USH2A: variants seen among roughly 807,000 people sequenced by gnomAD.
The protein encoded by USH2A is Usher syndrome 2A (autosomal recessive, mild).
USH2A carries 443 observed loss-of-function variants against 538.9 expected under a neutral mutation model. That is an observed-to-expected ratio of 0.82 (90% CI 0.76 to 0.89). The LOEUF (loss-of-function observed/expected upper bound fraction) is 0.89, where lower values mean the gene tolerates loss of function less well. USH2A is among the 40% of genes least tolerant of loss of function. The pLI, the probability that USH2A is intolerant of heterozygous loss-of-function variation, is 0.00. For missense variants in USH2A, 6,633 were observed against 6,324.8 expected (o/e 1.05, Z -1.65); for synonymous variants, 2,413 against 2,273.5 (o/e 1.06, Z -1.75).
Position 215,786,774 on chromosome 1 carries a change from A to T in USH2A, c.10283T>A (p.Ile3428Lys). Residue 3428 changes from isoleucine to lysine, a missense_variant, in exon 52 of 72, where the codon ATA (isoleucine) becomes AAA (lysine). Physicochemically the swap from Ile to Lys is moderately radical, Grantham distance 102. Coordinates refer to ENST00000307340, the MANE Select transcript of USH2A (RefSeq NM_206933.4). The part of the protein sequence containing the change: ...FNFTSHICTV[I>K]RGSHNSTGKA... ...CCCTGTGGAATTGTGAGACCCTCTT[A>T]TCACAGTGCAAATGTGGCTGGTAAA... 1 of 1,613,974 alleles carries T rather than the reference A, an allele frequency of 6.2e-7. No individual in the cohort carries two copies. Among genetic ancestry groups the T allele is most frequent in the Non-Finnish European group, 8.5e-7 (1 of 1,179,954 alleles).
At chr1:215,709,045 T>C (rs1230452744) in intron 61 of USH2A, among the ~76,000 whole-genome samples, 2 of 152,208 alleles carry the variant, frequency 1.3e-5, no homozygotes. Context: ...TGATTCTCCT[T>C]CCTTCAAGCT....
chr1:215,837,860 A>C, intron 47 of USH2A, 131 bp downstream of exon 47: 1 of 772,844 alleles, frequency 1.3e-6, no homozygotes, highest in Non-Finnish European at 2.3e-6. Flanking sequence ...TAATATCAAA[A>C]ATTTGATTTA....
intron 32 of USH2A, among the ~76,000 whole-genome samples, chr1:216,008,211 C>T (rs545420655): frequency 1.8e-4 from 28 of 152,100 alleles, no homozygotes; most frequent in African/African-American, 3.9e-4. Context: ...TCCAGATGGC[C>T]GGTTCCTGCC....
At chr1:215,906,047 T>C (rs954686189) in intron 38 of USH2A, among the ~76,000 whole-genome samples, 4 of 152,102 alleles carry the variant, frequency 2.6e-5, no homozygotes, top group Admixed American at 2.0e-4. Flanking sequence ...TATTGAGTCA[T>C]TGAGTCATGA....
Position 215,740,361 on chromosome 1 carries a change from T to TTC in USH2A, c.11711+1012_11711+1013dup, listed in dbSNP as rs145669922. Among the ~76,000 whole-genome samples, 13 of 151,702 alleles carry TTC rather than the reference T, an allele frequency of 8.6e-5. No individual in the cohort carries two copies. The East Asian group carries it at 1.6e-3, about 18-fold the overall frequency. ...TAGTGTATCTCTCTCTTCCATTATTTTCTCTCTCTCTCTCTCAATCTCTCT... is the reference window on the plus strand; with the variant it reads ...TAGTGTATCTCTCTCTTCCATTATTTTCTCTCTCTCTCTCTCTCAATCTCTCT... On this transcript the variant is annotated intron_variant, in intron 60 of 71. Coordinates refer to ENST00000307340, the MANE Select transcript of USH2A (RefSeq NM_206933.4).
chr1:216,017,975 T>C (rs1279220967), intron 32 of USH2A, among the ~76,000 whole-genome samples: 2 of 152,164 alleles, frequency 1.3e-5, no homozygotes, highest in Non-Finnish European at 2.9e-5. Context: ...TTTTTTGGCA[T>C]AGTCTCATGC....
chr1:215,906,655 C>T (rs1050472806), intron 38 of USH2A, among the ~76,000 whole-genome samples: 15 of 151,864 alleles, frequency 9.9e-5, no homozygotes, highest in Admixed American at 2.6e-4. Flanking sequence ...CAGTACCTCC[C>T]GGTCTTATTT....
intron 3 of USH2A, among the ~76,000 whole-genome samples, chr1:216,378,880 T>C (rs890834802): frequency 6.6e-6 from 1 of 152,204 alleles, no homozygotes; most frequent in African/African-American, 2.4e-5. Context: ...TCCATCTGTT[T>C]TCATTTTCTG....
intron 3 of USH2A, among the ~76,000 whole-genome samples, chr1:216,370,284 C>T (rs1239216490): frequency 6.6e-6 from 1 of 151,622 alleles, no homozygotes; most frequent in African/African-American, 2.4e-5. Flanking sequence ...TTACTTGAAC[C>T]GGGGAGGTGG....
intron 48 of USH2A, among the ~76,000 whole-genome samples, chr1:215,815,706 T>A (rs1662842809): frequency 6.6e-6 from 1 of 152,094 alleles, no homozygotes. Context: ...CTATCTCAGG[T>A]ATATTCTAAT....
intron 12 of USH2A, among the ~76,000 whole-genome samples, chr1:216,250,420 A>G (rs749929559): frequency 3.7e-4 from 57 of 152,300 alleles, no homozygotes; most frequent in Non-Finnish European, 7.8e-4. Context: ...TGCATTTCAT[A>G]GGAACAGTTC....
At chr1:216,143,154 T>C (rs1300416129) in intron 21 of USH2A, among the ~76,000 whole-genome samples, 1 of 152,186 alleles carries the variant, frequency 6.6e-6, no homozygotes, top group Non-Finnish European at 1.5e-5. Flanking sequence ...CCTTCCCAAA[T>C]GGAACATGGT....
At chr1:216,278,709 T>C (rs2036716859) in intron 11 of USH2A, among the ~76,000 whole-genome samples, 1 of 152,198 alleles carries the variant, frequency 6.6e-6, no homozygotes, top group Non-Finnish European at 1.5e-5. Flanking sequence ...TATGCAATAC[T>C]TATTTTTTCT....
chr1:215,836,113 G>A (rs12119085), intron 47 of USH2A, among the ~76,000 whole-genome samples: 1,686 of 151,938 alleles, frequency 0.011, 14 homozygotes, highest in Admixed American at 0.018. Flanking sequence ...TATGTACTAT[G>A]AGGCATATTC....
intron 21 of USH2A, among the ~76,000 whole-genome samples, chr1:216,164,567 T>G (rs1002511691): frequency 6.6e-6 from 1 of 152,106 alleles, no homozygotes; most frequent in African/African-American, 2.4e-5. Flanking sequence ...TAAGTACACA[T>G]AACATTTAAA....
At chr1:216,342,104 A>G (rs1215698528) in intron 4 of USH2A, among the ~76,000 whole-genome samples, 2 of 152,190 alleles carry the variant, frequency 1.3e-5, no homozygotes, top group Non-Finnish European at 2.9e-5. Flanking sequence ...CCACCTGACA[A>G]AGGTCTAATA....
At chr1:215,884,924 G>T (rs1231862644) in intron 41 of USH2A, among the ~76,000 whole-genome samples, 1 of 152,174 alleles carries the variant, frequency 6.6e-6, no homozygotes. Flanking sequence ...GCTGACAGCT[G>T]CAGGATTACT....
intron 20 of USH2A, among the ~76,000 whole-genome samples, chr1:216,185,526 T>C (rs185490094): frequency 4.6e-4 from 70 of 152,036 alleles, no homozygotes; most frequent in Non-Finnish European, 8.5e-4. Context: ...AATTTTTGAA[T>C]GGTCACTCGT....
chr1:215,955,628 G>A (rs974195407), intron 37 of USH2A, among the ~76,000 whole-genome samples: 1 of 151,890 alleles, frequency 6.6e-6, no homozygotes, highest in East Asian at 1.9e-4. Flanking sequence ...AATTTTATTT[G>A]CAACCCGATT....
Sources: gnomAD v4.1 joint callset for allele counts (sites outside exome capture counted in the v4.1 genomes callset) on GRCh38, gnomAD v4.1.1 for gene constraint, MANE v1.5 for transcripts, NCBI Gene and HGNC (gene_info 2026-07-23, HGNC 2026-07-21) for gene names.